The following PKN3 variants were observed in gnomAD, a reference collection of about 807,000 sequenced individuals.
PKN3 encodes protein kinase N3.
PKN3 carries 91 observed loss-of-function variants against 113.1 expected under a neutral mutation model. The observed-to-expected ratio is 0.80, with a 90% CI of 0.68 to 0.96. The LOEUF (loss-of-function observed/expected upper bound fraction) is 0.96, where lower values mean the gene tolerates loss of function less well. Among genes scored for constraint, PKN3 ranks in the 40% least tolerant of loss-of-function variants. The pLI is 0.00. For missense variants in PKN3, 1,052 were observed against 1,202.2 expected, an observed-to-expected ratio of 0.88 and a Z score of 1.85; for synonymous variants, 467 against 499.0, an observed-to-expected ratio of 0.94 and a Z score of 0.85.
chr9:128,714,613 C>G lies in PKN3; in HGVS notation c.1533C>G (p.Pro511=). 6.9e-7 allele frequency: 1 copy of G among 1,450,230 alleles called. No individual in the cohort carries two copies. Among genetic ancestry groups the G allele is most frequent in the Non-Finnish European group, 9.7e-7 (1 of 1,030,544 alleles). 89.8% of individuals were successfully genotyped at this position (1,450,230 alleles called of 1,614,324 possible). The change falls in exon 12 of 22, where the codon CCC becomes CCG. Residue 511 remains proline (P), a synonymous_variant. Coordinates refer to ENST00000291906, the MANE Select transcript of PKN3 (RefSeq NM_013355.5). ...TGGGTGAAGAGATGACACCCCCACC[C>G]AAGCCCCCACGCCTCTACCTCCCCC... is the stretch of plus-strand genomic sequence containing the variant. ...TPLGEEMTPP[P]KPPRLYLPQE...
At position 128,715,874 on chromosome 9, in the gene PKN3, G is replaced by C. The variant is rs1369546974; in HGVS notation, c.1808+414G>C. 2.0e-5 allele frequency among the ~76,000 whole-genome samples: 3 copies of C among 152,114 alleles called. No individual in the cohort carries two copies. The highest frequency in any genetic ancestry group is 4.4e-5 in the Non-Finnish European group (3 of 68,028). ...AAAAAATAGCCAGACATGGTGGCAT[G>C]TGCCTTTAGTCCCAGCTACTTGGGA... is the stretch of plus-strand genomic sequence containing the variant. On this transcript the variant is annotated intron_variant, in intron 15 of 21. Coordinates refer to ENST00000291906, the MANE Select transcript of PKN3 (RefSeq NM_013355.5). The surrounding 1 kb of genome is among the most constrained non-coding windows in gnomAD (Gnocchi z 4.1).
rs553100465 is a variant in PKN3, at chr9:128,714,638, C to G, written c.1558C>G (p.Gln520Glu). ...PPKPPRLYLPQEPTSEETPRT... is the reference protein window; with the variant it reads ...PPKPPRLYLPEEPTSEETPRT... ...CAAGCCCCCACGCCTCTACCTCCCCCAGGAGCCAACATCCGAGGAGACTCC... is the reference window on the plus strand; with the variant it reads ...CAAGCCCCCACGCCTCTACCTCCCCGAGGAGCCAACATCCGAGGAGACTCC... Residue 520 changes from glutamine to glutamate, a missense_variant, in exon 12 of 22, where the codon CAG becomes GAG. Physicochemically the swap from Gln to Glu is conservative, Grantham distance 29 (BLOSUM62 2). Around this residue, in one of 2 missense-constraint regions of PKN3, gnomAD observed 719 missense variants for 759.4 expected, o/e 0.95. Coordinates refer to ENST00000291906, the MANE Select transcript of PKN3 (RefSeq NM_013355.5). The G allele has an allele frequency of 7.0e-7, 1 of 1,419,334 alleles. No homozygotes were observed. Among genetic ancestry groups the G allele is most frequent in the African/African-American group, 1.4e-5 (1 of 71,484 alleles). The allele number at this position is 1,419,334 out of a possible 1,614,324, so 87.9% of individuals were successfully genotyped here. A position where few individuals can be genotyped will look rare whatever the true frequency, so the allele number is the denominator to read the frequency against.
intron 6 of PKN3, among the ~76,000 whole-genome samples, chr9:128,709,588 CTAAAAAATA>C: frequency 6.6e-6 from 1 of 151,506 alleles, no homozygotes; most frequent in Non-Finnish European, 1.5e-5. Context: ...CCCGTCTCTA[CTAAAAAATA>C]CAAAATTAGC....
At chr9:128,708,702 G>A (rs1450947291) in intron 6 of PKN3, among the ~76,000 whole-genome samples, 2 of 151,646 alleles carry the variant, frequency 1.3e-5, no homozygotes, top group Non-Finnish European at 2.9e-5. Context: ...AATTAGCCGG[G>A]CGTGGTGGCG....
intron 6 of PKN3, among the ~76,000 whole-genome samples, chr9:128,708,239 G>A (rs912638922): frequency 4.6e-5 from 7 of 151,908 alleles, no homozygotes; most frequent in Non-Finnish European, 1.0e-4. Flanking sequence ...AAAAGTAGCT[G>A]GATGTGGTGG....
chr9:128,713,220 G>C (rs375774014), intron 7 of PKN3, 22 bp downstream of exon 7: 7 of 1,609,674 alleles, frequency 4.3e-6, no homozygotes, highest in African/African-American at 2.7e-5. Context: ...AGGAGCTTCA[G>C]GGGGAGCAGG....
At chr9:128,718,495 G>A (rs1041019396) in intron 17 of PKN3, 54 bp from the exon 18 acceptor site, 9 of 1,601,988 alleles carry the variant, frequency 5.6e-6, no homozygotes, top group African/African-American at 2.7e-5. Flanking sequence ...GGCCGTTACT[G>A]TTCCCTGGGT....
At chr9:128,710,515 G>A (rs933559332) in intron 6 of PKN3, among the ~76,000 whole-genome samples, 3 of 151,586 alleles carry the variant, frequency 2.0e-5, no homozygotes, top group Non-Finnish European at 4.4e-5. Flanking sequence ...TTTTTGAGAT[G>A]GAGTCTCGCA....
intron 15 of PKN3, among the ~76,000 whole-genome samples, chr9:128,716,154 A>C (rs1351522974): frequency 6.6e-6 from 1 of 151,798 alleles, no homozygotes; most frequent in Non-Finnish European, 1.5e-5. Context: ...AAAAATACAA[A>C]AATTAGCTGG....
intron 7 of PKN3, 37 bp from the exon 8 acceptor site, chr9:128,713,241 T>C (rs1862232718): frequency 5.0e-6 from 8 of 1,611,954 alleles, no homozygotes; most frequent in Non-Finnish European, 6.8e-6. Context: ...AGACCCCTGC[T>C]TCAGGCCTGC....
At chr9:128,717,150 CAG>C (rs2132327652) in intron 16 of PKN3, among the ~76,000 whole-genome samples, 1 of 4,584 alleles carries the variant, frequency 2.2e-4, no homozygotes, top group South Asian at 5.6e-3. Context: ...TTTTGTGAGA[CAG>C]AGTCTGGCTC....
Position 128,719,542 on chromosome 9 carries a change from A to G in PKN3, c.2126-144A>G, listed in dbSNP as rs1449593123. Reference sequence around the variant, plus strand: ...TGAGCTTGGCTCTGCATGCAGTCAAATGGCGTCATAACCATTCCCACTTCC... The same window carrying G: ...TGAGCTTGGCTCTGCATGCAGTCAAGTGGCGTCATAACCATTCCCACTTCC... On this transcript the variant is annotated intron_variant, in intron 18 of 21. Coordinates refer to ENST00000291906, the MANE Select transcript of PKN3 (RefSeq NM_013355.5). 7 of 826,226 alleles carry G rather than the reference A, an allele frequency of 8.5e-6. No individual in the cohort carries two copies. The East Asian group carries it at 1.5e-4, about 18-fold the overall frequency. 51.2% of individuals were successfully genotyped at this position (826,226 alleles called of 1,614,324 possible).
At position 128,714,646 on chromosome 9, in the gene PKN3, A is replaced by G; in HGVS notation, c.1566A>G (p.Pro522=). The change falls in exon 12 of 22, where the codon CCA becomes CCG. Residue 522 remains proline, a synonymous_variant. Coordinates refer to ENST00000291906, the MANE Select transcript of PKN3 (RefSeq NM_013355.5). The part of the protein sequence containing the change: ...KPPRLYLPQE[P]TSEETPRTKR... ...CACGCCTCTACCTCCCCCAGGAGCC[A>G]ACATCCGAGGAGACTCCGGTGAGGG... The G allele has an allele frequency of 7.0e-7, 1 of 1,433,666 alleles. No individual in the cohort carries two copies. Among genetic ancestry groups the G allele is most frequent in the Non-Finnish European group, 9.8e-7 (1 of 1,016,008 alleles). 88.8% of individuals were successfully genotyped at this position (1,433,666 alleles called of 1,614,324 possible).
chr9:128,719,851 T>A (rs953145405), intron 19 of PKN3, 23 bp downstream of exon 19: 2 of 986,254 alleles, frequency 2.0e-6, no homozygotes, highest in African/African-American at 2.0e-5. Context: ...GCCTGTTTCC[T>A]GGGCCTCTGG....
chr9:128,706,489 C>A (rs118120340), intron 3 of PKN3, among the ~76,000 whole-genome samples: 1 of 152,102 alleles, frequency 6.6e-6, no homozygotes, highest in African/African-American at 2.4e-5. Flanking sequence ...TGACCCCAGC[C>A]GTGATATGAA....
In PKN3 at chr9:128,714,633, TCC is replaced by T; in HGVS notation, c.1557_1558del (p.Gln520GlyfsTer18). The T allele has an allele frequency of 2.1e-6, 3 of 1,413,232 alleles. No individual in the cohort carries two copies. The highest frequency in any genetic ancestry group is 2.0e-6 in the Non-Finnish European group (2 of 997,944). 87.5% of individuals were successfully genotyped at this position (1,413,232 alleles called of 1,614,324 possible). The stretch of plus-strand genomic sequence containing the variant: ...CCACCCAAGCCCCCACGCCTCTACC[TCC>T]CCCAGGAGCCAACATCCGAGGAGAC... On this transcript the variant is annotated frameshift_variant, in exon 12 of 22. Coordinates refer to ENST00000291906, the MANE Select transcript of PKN3 (RefSeq NM_013355.5). LOFTEE classifies it high-confidence loss of function.
At chr9:128,702,963 C>A in intron 1 of PKN3, 24 bp downstream of exon 1, 1 of 1,405,514 alleles carries the variant, frequency 7.1e-7, no homozygotes, top group Non-Finnish European at 9.3e-7. Context: ...GAGGGGCGCG[C>A]GGGCCCGGGG....
In PKN3 at chr9:128,720,253, C is replaced by G; in HGVS notation, c.2427C>G (p.Ala809=). Residue 809 remains alanine (A), a synonymous_variant, in exon 21 of 22, where the codon GCC becomes GCG. Transcript: ENST00000291906. This position sits in a 1 kb window ranked among gnomAD's most constrained non-coding sequence, Gnocchi z 5.5. ...EKRLGAGEQD[A]EEIKVQPFFR... ...GCCTCGGGGCAGGTGAGCAGGATGC[C>G]GAGGAGATCAAGGTCCAGCCATTCT... is the stretch of plus-strand genomic sequence containing the variant. 2 of 1,613,884 alleles carry G rather than the reference C, an allele frequency of 1.2e-6. No homozygotes were observed. Among genetic ancestry groups the G allele is most frequent in the Non-Finnish European group, 1.7e-6 (2 of 1,179,998 alleles).
In PKN3 at chr9:128,719,946, G is replaced by A. The variant is rs1445326185; in HGVS notation, c.2305G>A (p.Asp769Asn). ...AGGGGACACAGAGGAAGAGGTGTTTGACTGCATCGTCAACATGGACGCCCC... is the reference window on the plus strand; with the variant it reads ...AGGGGACACAGAGGAAGAGGTGTTTAACTGCATCGTCAACATGGACGCCCC... ...FPGDTEEEVFDCIVNMDAPYP... is the reference protein window; with the variant it reads ...FPGDTEEEVFNCIVNMDAPYP... Residue 769 changes from aspartate (D) to asparagine (N), a missense_variant, in exon 20 of 22, where the codon GAC becomes AAC. By Grantham distance (23) the Asp-to-Asn change is conservative. This residue lies in a region of PKN3 where 333 missense variants were observed against 442.8 expected (regional missense o/e 0.75). Coordinates refer to ENST00000291906, the MANE Select transcript of PKN3 (RefSeq NM_013355.5). 1 of 1,614,182 alleles carries A rather than the reference G, an allele frequency of 6.2e-7. No homozygotes were observed. Among genetic ancestry groups the A allele is most frequent in the Middle Eastern group, 1.6e-4 (1 of 6,062 alleles).
Sources: allele counts gnomAD v4.1 joint callset (sites outside exome capture counted in the v4.1 genomes callset), GRCh38; gene constraint gnomAD v4.1.1; regional missense constraint gnomAD v4.1.1; non-coding constraint Gnocchi (gnomAD v3.1); transcripts MANE v1.5; gene names NCBI Gene and HGNC (gene_info 2026-07-23, HGNC 2026-07-21).